Variants in OPCML observed in about 807,000 individuals in gnomAD.
The protein encoded by OPCML is opioid binding protein/cell adhesion molecule like.
Under a neutral mutation model 37.8 loss-of-function variants are expected in OPCML, and 13 were observed. The observed-to-expected ratio is 0.34, with a 90% CI of 0.22 to 0.55. The LOEUF (loss-of-function observed/expected upper bound fraction) is 0.55. Ranked by LOEUF, OPCML falls within the 20% of genes least tolerant of loss-of-function variation. OPCML has a pLI of 0.91. For synonymous variants in OPCML, 176 were observed against 168.8 expected (o/e 1.04, Z -0.33); for missense variants, 341 against 435.6 (o/e 0.78, Z 1.93).
At chr11:133,137,519 A>G (rs1183904619) in intron 1 of OPCML, among the ~76,000 whole-genome samples, 2 of 152,188 alleles carry the variant, frequency 1.3e-5, no homozygotes, top group Admixed American at 6.5e-5. Context: ...GATATCTCTC[A>G]TGCATTAGGT....
At position 132,724,530 on chromosome 11, in the gene OPCML, C is replaced by A. The variant is rs184419032; in HGVS notation, c.147-67211G>T. 7.9e-5 allele frequency among the ~76,000 whole-genome samples: 12 copies of A among 152,192 alleles called. No individual in the cohort carries two copies. In the East Asian group the frequency reaches 2.3e-3, roughly 29 times the overall value. On this transcript the variant is annotated intron_variant, in intron 2 of 7. Coordinates refer to ENST00000524381, the MANE Select transcript of OPCML (RefSeq NM_001012393.5). Reference sequence around the variant, plus strand: ...GATTTGGGTGGGGACACAGCCAAACCATATTATTCCACCCCTGTCCTCCCC... The same window carrying A: ...GATTTGGGTGGGGACACAGCCAAACAATATTATTCCACCCCTGTCCTCCCC...
At chr11:132,950,510 G>C (rs1320228529) in intron 1 of OPCML, among the ~76,000 whole-genome samples, 1 of 152,192 alleles carries the variant, frequency 6.6e-6, no homozygotes, top group Non-Finnish European at 1.5e-5. Context: ...AAGTTGTGAA[G>C]CTATCACCTC....
chr11:132,671,429 C>G (rs1188218842), intron 2 of OPCML, among the ~76,000 whole-genome samples: 2 of 152,140 alleles, frequency 1.3e-5, no homozygotes, highest in Non-Finnish European at 2.9e-5. Context: ...GTTTCCAGTT[C>G]AGGCACCAAG....
chr11:132,645,581 G>C (rs1941105900), intron 3 of OPCML, among the ~76,000 whole-genome samples: 1 of 152,160 alleles, frequency 6.6e-6, no homozygotes, highest in Admixed American at 6.5e-5. Context: ...GGAAATTACA[G>C]TCTAGGAGAG....
intron 3 of OPCML, among the ~76,000 whole-genome samples, chr11:132,644,596 G>A (rs1247263558): frequency 6.6e-6 from 1 of 152,186 alleles, no homozygotes; most frequent in Non-Finnish European, 1.5e-5. Context: ...GGATTTGGTA[G>A]CTTGTATCTC....
At chr11:132,547,766 A>G (rs1445696761) in intron 3 of OPCML, among the ~76,000 whole-genome samples, 3 of 152,178 alleles carry the variant, frequency 2.0e-5, no homozygotes, top group East Asian at 1.9e-4. Context: ...GTCTCCATCA[A>G]GAATGTTGTC....
intron 2 of OPCML, among the ~76,000 whole-genome samples, chr11:132,702,635 C>T (rs1340698395): frequency 6.6e-6 from 1 of 152,042 alleles, no homozygotes; most frequent in African/African-American, 2.4e-5. Context: ...TGTCATTTTT[C>T]CCTTAAGCAA....
intron 1 of OPCML, among the ~76,000 whole-genome samples, chr11:133,289,008 C>G (rs1942383288): frequency 6.6e-6 from 1 of 152,154 alleles, no homozygotes. Flanking sequence ...AACACAGTCA[C>G]AGACATGCAG....
intron 1 of OPCML, among the ~76,000 whole-genome samples, chr11:133,185,039 C>T (rs113966154): frequency 0.014 from 2,105 of 152,258 alleles, 17 homozygotes; most frequent in Non-Finnish European, 0.02. Flanking sequence ...TGTCTGGAAA[C>T]TTCTACAAAG....
chr11:132,570,820 G>GAGAGAGAGAGAGAGA (rs1245612388), intron 3 of OPCML, among the ~76,000 whole-genome samples: 48 of 123,688 alleles, frequency 3.9e-4, no homozygotes, highest in African/African-American at 6.8e-4. Context: ...GAGAGAGAGA[G>GAGAGAGAGAGAGAGA]GATATATACT....
chr11:133,214,144 A>T (rs1055754350), intron 1 of OPCML, among the ~76,000 whole-genome samples: 3 of 152,170 alleles, frequency 2.0e-5, no homozygotes, highest in Admixed American at 2.0e-4. Flanking sequence ...ATAAAGACAT[A>T]ACATTCCCAA....
intron 3 of OPCML, among the ~76,000 whole-genome samples, chr11:132,626,549 A>C (rs1939750515): frequency 6.6e-6 from 1 of 152,148 alleles, no homozygotes; most frequent in Non-Finnish European, 1.5e-5. Context: ...AAGATAGGGA[A>C]AAGGCTTATA....
At chr11:132,936,013 T>G (rs1055813426) in intron 2 of OPCML, among the ~76,000 whole-genome samples, 18 of 152,232 alleles carry the variant, frequency 1.2e-4, no homozygotes, top group African/African-American at 3.9e-4. Flanking sequence ...GGACAGTATG[T>G]TAGATCCTGG....
chr11:133,039,500 C>A (rs1947845126), intron 1 of OPCML, among the ~76,000 whole-genome samples: 1 of 152,136 alleles, frequency 6.6e-6, no homozygotes, highest in South Asian at 2.1e-4. Context: ...CACCCACACT[C>A]ATTTGAAGAG....
intron 2 of OPCML, among the ~76,000 whole-genome samples, chr11:132,798,973 C>T (rs1190470570): frequency 6.6e-6 from 1 of 152,184 alleles, no homozygotes; most frequent in Non-Finnish European, 1.5e-5. Flanking sequence ...GATGTGCTGT[C>T]ATCCAGGCTC....
chr11:133,275,819 G>A (rs8181521), intron 1 of OPCML, among the ~76,000 whole-genome samples: 86,300 of 151,898 alleles, frequency 0.57, 25,219 homozygotes, highest in East Asian at 0.91. Context: ...GTAATTGTTG[G>A]AGCTGCTACC....
At chr11:132,891,164 A>G (rs1348591045) in intron 2 of OPCML, among the ~76,000 whole-genome samples, 2 of 152,332 alleles carry the variant, frequency 1.3e-5, no homozygotes, top group South Asian at 2.1e-4. Flanking sequence ...TTGGAAGTCT[A>G]TATTACAAAA....
At chr11:132,749,222 C>T (rs942630923) in intron 2 of OPCML, among the ~76,000 whole-genome samples, 9 of 152,164 alleles carry the variant, frequency 5.9e-5, no homozygotes, top group Non-Finnish European at 7.3e-5. Context: ...AGTGGACTTC[C>T]AGCTTCCAGG....
intron 1 of OPCML, among the ~76,000 whole-genome samples, chr11:133,276,860 A>G (rs936826245): frequency 1.3e-5 from 2 of 152,166 alleles, no homozygotes; most frequent in Non-Finnish European, 2.9e-5. Flanking sequence ...CTTACTTAAG[A>G]TCTTTGAAAG....
Sources: gnomAD v4.1 joint callset for allele counts (sites outside exome capture counted in the v4.1 genomes callset) on GRCh38, gnomAD v4.1.1 for gene constraint, MANE v1.5 for transcripts, NCBI Gene and HGNC (gene_info 2026-07-23, HGNC 2026-07-21) for gene names.